AKAP9: variants seen among roughly 807,000 people sequenced by gnomAD.
AKAP9 encodes A-kinase anchoring protein 9.
AKAP9 carries 311 observed loss-of-function variants against 488.5 expected under a neutral mutation model. The observed-to-expected ratio is 0.64, with a 90% CI of 0.58 to 0.70. The LOEUF (loss-of-function observed/expected upper bound fraction) is 0.70, where lower values mean the gene tolerates loss of function less well. AKAP9 is among the 30% of genes least tolerant of loss of function. The probability of loss-of-function intolerance (pLI) is 0.00; values close to 1 mark genes in which losing one functional copy is unlikely to be tolerated. For missense variants in AKAP9, 4,215 were observed against 4,374.5 expected, an observed-to-expected ratio of 0.96 and a Z score of 1.03; for synonymous variants, 1,462 against 1,483.5, an observed-to-expected ratio of 0.99 and a Z score of 0.33.
chr7:92,084,532 G>A (rs534671992), intron 33 of AKAP9, 108 bp from the exon 34 acceptor site: 6 of 741,146 alleles, frequency 8.1e-6, no homozygotes, highest in African/African-American at 5.4e-5. Flanking sequence ...ATTATGAAAG[G>A]TGTGACAGAT....
chr7:91,994,817 TAATG>T (rs1798190480), intron 6 of AKAP9, 41 bp downstream of exon 6: 1 of 1,558,094 alleles, frequency 6.4e-7, no homozygotes, highest in Non-Finnish European at 8.8e-7. Context: ...ATTTTTTTAG[TAATG>T]AATTTTAAAA....
At chr7:91,971,471 C>G (rs1255778146) in intron 1 of AKAP9, among the ~76,000 whole-genome samples, 4 of 151,412 alleles carry the variant, frequency 2.6e-5, no homozygotes, top group African/African-American at 9.7e-5. Context: ...TAGGGTCATT[C>G]ACTGATTCAC....
intron 2 of AKAP9, among the ~76,000 whole-genome samples, chr7:91,977,880 C>T (rs1795900554): frequency 6.6e-6 from 1 of 152,124 alleles, no homozygotes; most frequent in African/African-American, 2.4e-5. Context: ...CTCAGTACTA[C>T]CGTTTCTAGT....
At chr7:92,046,296 C>T (rs1245917751) in intron 21 of AKAP9, among the ~76,000 whole-genome samples, 1 of 152,176 alleles carries the variant, frequency 6.6e-6, no homozygotes, top group Non-Finnish European at 1.5e-5. Context: ...CAAGATCAAG[C>T]CCACAGTTCA....
Position 92,079,562 on chromosome 7 carries a change from C to G in AKAP9, c.7429C>G (p.Leu2477Val). ...VVLTEDALKS[L>V]ENQTYFKSFE... Reference sequence around the variant, plus strand: ...CCTTACAGAGGATGCTCTTAAATCCCTAGAAAATCAGACATACTTCAAATC... The same window carrying G: ...CCTTACAGAGGATGCTCTTAAATCCGTAGAAAATCAGACATACTTCAAATC... Residue 2477 changes from leucine to valine, a missense_variant, in exon 31 of 50, where the codon CTA becomes GTA. Leu to Val is a conservative substitution (Grantham distance 32). Around this residue, in one of 5 missense-constraint regions of AKAP9, gnomAD observed 1,476 missense variants for 1,477.4 expected, o/e 1.00. Transcript: ENST00000356239. 1.2e-6 allele frequency: 2 copies of G among 1,613,722 alleles called. No individual in the cohort carries two copies. Among genetic ancestry groups the G allele is most frequent in the Non-Finnish European group, 1.7e-6 (2 of 1,179,988 alleles).
intron 28 of AKAP9, among the ~76,000 whole-genome samples, chr7:92,074,879 G>A (rs549444271): frequency 6.6e-6 from 1 of 152,280 alleles, no homozygotes; most frequent in African/African-American, 2.4e-5. Context: ...AGGGGTACAG[G>A]AGGGATAGCA....
rs933415516 is a variant in AKAP9, at chr7:92,101,138, A to C, written c.11097+82A>C. 4 of 1,402,600 alleles carry C rather than the reference A, an allele frequency of 2.9e-6. No homozygotes were observed. In the Admixed American group the frequency reaches 8.7e-5, roughly 30 times the overall value. The allele number at this position is 1,402,600 out of a possible 1,614,324, so 86.9% of individuals were successfully genotyped here. On this transcript the variant is annotated intron_variant, in intron 45 of 49. Transcript: ENST00000356239. ...CATCTCTCACTGACCTTAAATAAACAGTCTAAAGAAATTTAGGGCCTGGCA... is the reference window on the plus strand; with the variant it reads ...CATCTCTCACTGACCTTAAATAAACCGTCTAAAGAAATTTAGGGCCTGGCA...
Position 92,079,123 on chromosome 7 carries a change from A to G in AKAP9, c.6990A>G (p.Gln2330=). 6.2e-7 allele frequency: 1 copy of G among 1,613,184 alleles called. No individual in the cohort carries two copies. Among genetic ancestry groups the G allele is most frequent in the Non-Finnish European group, 8.5e-7 (1 of 1,179,638 alleles). The change falls in exon 31 of 50, where the codon CAA becomes CAG. Residue 2330 remains glutamine, a synonymous_variant. Coordinates refer to ENST00000356239, the MANE Select transcript of AKAP9 (RefSeq NM_005751.5). The part of the protein sequence containing the change: ...KNELIRDLET[Q]IECLMSDQEC... Reference sequence around the variant, plus strand: ...AACTGATAAGGGATCTTGAAACCCAAATAGAATGTTTGATGAGTGATCAAG... The same window carrying G: ...AACTGATAAGGGATCTTGAAACCCAGATAGAATGTTTGATGAGTGATCAAG...
chr7:91,959,515 T>C (rs1793473470), intron 1 of AKAP9, among the ~76,000 whole-genome samples: 2 of 152,150 alleles, frequency 1.3e-5, no homozygotes, highest in Admixed American at 6.5e-5. Context: ...TATGCTGTTC[T>C]GGCTGGCCTC....
intron 4 of AKAP9, among the ~76,000 whole-genome samples, chr7:91,992,661 CAAAAAAAAAAA>C (rs770870521): frequency 9.6e-4 from 45 of 46,634 alleles, no homozygotes; most frequent in Non-Finnish European, 1.4e-3. Flanking sequence ...AAGACTCTGT[CAAAAAAAAAAA>C]AAAAAAAAAA....
intron 2 of AKAP9, among the ~76,000 whole-genome samples, chr7:91,979,498 A>C (rs1796121812): frequency 6.6e-6 from 1 of 152,176 alleles, no homozygotes; most frequent in African/African-American, 2.4e-5. Flanking sequence ...TGGATGGGGG[A>C]ACTCAGCCAA....
chr7:91,952,414 A>G (rs1792371613), intron 1 of AKAP9, among the ~76,000 whole-genome samples: 1 of 152,226 alleles, frequency 6.6e-6, no homozygotes, highest in African/African-American at 2.4e-5. Context: ...TTATAAATAC[A>G]CAATGGGTAA....
At chr7:91,941,738 A>G (rs1329133241) in intron 1 of AKAP9, among the ~76,000 whole-genome samples, 1 of 152,168 alleles carries the variant, frequency 6.6e-6, no homozygotes, top group Non-Finnish European at 1.5e-5. Context: ...GGTCTTTGTC[A>G]TGGCATGCGC....
Position 92,003,104 on chromosome 7 carries a change from G to A in AKAP9, c.3187G>A (p.Glu1063Lys). Residue 1063 changes from glutamate (E) to lysine (K), a missense_variant, in exon 8 of 50, where the codon GAA (glutamate) becomes AAA (lysine). Around this residue, in one of 5 missense-constraint regions of AKAP9, gnomAD observed 2,361 missense variants for 2,430.0 expected, o/e 0.97. Transcript: ENST00000356239. ...TTCTTTTGAAAATATGACTGTTGGA[G>A]AAGAAAGTAAGCAAGAACAGTTGAT... ...KVSFENMTVG[E>K]ESKQEQLILD... 1 of 1,612,078 alleles carries A rather than the reference G, an allele frequency of 6.2e-7. No individual in the cohort carries two copies. The highest frequency in any genetic ancestry group is 8.5e-7 in the Non-Finnish European group (1 of 1,179,004).
chr7:92,035,331 A>G (rs7781221), intron 16 of AKAP9, among the ~76,000 whole-genome samples: 60,940 of 152,050 alleles, frequency 0.4, 12,505 homozygotes, highest in African/African-American at 0.46. Context: ...TACCTCATAT[A>G]ATTTCAGTTC....
chr7:92,083,046 C>T, intron 32 of AKAP9, 124 bp from the exon 33 acceptor site: 3 of 1,155,988 alleles, frequency 2.6e-6, no homozygotes, highest in Non-Finnish European at 2.4e-6. Context: ...AATGTTTTTC[C>T]TACTACTCTG....
In AKAP9 at chr7:91,980,276, AT is replaced by A; in HGVS notation, c.307-8del. The A allele has an allele frequency of 6.4e-7, 1 of 1,562,416 alleles. No homozygotes were observed. The highest frequency in any genetic ancestry group is 8.8e-7 in the Non-Finnish European group (1 of 1,139,212). ...AAAGTCATAATTATATTTGGTTTTT[AT>A]TTTTGTTTTAGCTGGAAAGTGAAAT... On this transcript the variant is annotated splice_polypyrimidine_tract_variant and intron_variant, in intron 2 of 49. Coordinates refer to ENST00000356239, the MANE Select transcript of AKAP9 (RefSeq NM_005751.5).
chr7:92,033,380 A>G (rs1325667521), intron 16 of AKAP9, among the ~76,000 whole-genome samples: 1 of 149,790 alleles, frequency 6.7e-6, no homozygotes, highest in Non-Finnish European at 1.5e-5. Flanking sequence ...ATTATGCTGT[A>G]CTCTGTACCC....
chr7:91,957,052 C>T (rs938055924), intron 1 of AKAP9, among the ~76,000 whole-genome samples: 2 of 151,932 alleles, frequency 1.3e-5, no homozygotes, highest in African/African-American at 2.4e-5. Context: ...TTTTGTAACG[C>T]GAATAACTAC....
Sources: gnomAD v4.1 joint callset for allele counts (sites outside exome capture counted in the v4.1 genomes callset) on GRCh38, gnomAD v4.1.1 for gene constraint, gnomAD v4.1.1 regional missense constraint, MANE v1.5 for transcripts, NCBI Gene and HGNC (gene_info 2026-07-23, HGNC 2026-07-21) for gene names.